LYNX1: variants seen among roughly 807,000 people sequenced by gnomAD.
LYNX1 encodes ly-6/neurotoxin-like protein 1.
LYNX1 carries 8 observed loss-of-function variants against 8.3 expected under a neutral mutation model. That is an observed-to-expected ratio of 0.97 (90% CI 0.57 to 1.74). The LOEUF (loss-of-function observed/expected upper bound fraction) is 1.74. Among genes scored for constraint, LYNX1 ranks in the 40% most tolerant of loss-of-function variants. The pLI is 0.00. For synonymous variants in LYNX1, 73 were observed against 67.9 expected (o/e 1.08, Z -0.37); for missense variants, 158 against 159.7 (o/e 0.99, Z 0.06).
rs957163066 is a variant in LYNX1 at position 142,775,069 on chromosome 8, C to T, written c.*98G>A. 8.0e-6 allele frequency: 12 copies of T among 1,493,812 alleles called. No individual in the cohort carries two copies. The highest frequency in any genetic ancestry group is 2.7e-5 in the South Asian group (2 of 75,342). 92.5% of individuals were successfully genotyped at this position (1,493,812 alleles called of 1,614,324 possible). A position where few individuals can be genotyped will look rare whatever the true frequency, so the allele number is the denominator to read the frequency against. On this transcript the variant is annotated 3_prime_UTR_variant, in exon 4 of 4. Transcript: ENST00000652477. ...TGACCCTGGGCATGGCTGAGGAGGT[C>T]GCAGGGAGTGTGGAGGGTGAGGCAG...
chr8:142,774,181 C>T lies in LYNX1; in HGVS notation c.*986G>A, dbSNP rs1815302416. On this transcript the variant is annotated 3_prime_UTR_variant, in exon 4 of 4. Transcript: ENST00000652477. ...CCCACCCTCCCCACTCCCGCCCCCG[C>T]ACGGCCACGAGAGGGTGGCATGCTC... 1.0e-6 allele frequency: 1 copy of T among 984,250 alleles called. No individual in the cohort carries two copies. Among genetic ancestry groups the T allele is most frequent in the Non-Finnish European group, 1.2e-6 (1 of 829,552 alleles). 61.0% of individuals were successfully genotyped at this position (984,250 alleles called of 1,614,324 possible). A position where few individuals can be genotyped will look rare whatever the true frequency, so the allele number is the denominator to read the frequency against.
In LYNX1 at chr8:142,771,247, C is replaced by T. The variant is rs1419658133; in HGVS notation, c.*3920G>A. ...TACGGCTCGGTGAGACGACGCTGGA[C>T]GCTGGTTAGGGTAAGGGTTAGGGCA... is the stretch of plus-strand genomic sequence containing the variant. On this transcript the variant is annotated 3_prime_UTR_variant, in exon 4 of 4. Coordinates refer to ENST00000652477, the MANE Select transcript of LYNX1 (RefSeq NM_177477.4). 12 of 985,410 alleles carry T rather than the reference C, an allele frequency of 1.2e-5. No homozygotes were observed. The highest frequency in any genetic ancestry group is 5.2e-5 in the African/African-American group (3 of 57,332). The allele number at this position is 985,410 out of a possible 1,614,324, so 61.0% of individuals were successfully genotyped here. A position where few individuals can be genotyped will look rare whatever the true frequency, so the allele number is the denominator to read the frequency against.
At position 142,772,562 on chromosome 8, in the gene LYNX1, C is replaced by A; in HGVS notation, c.*2605G>T. 1 of 985,580 alleles carries A rather than the reference C, an allele frequency of 1.0e-6. No individual in the cohort carries two copies. The highest frequency in any genetic ancestry group is 1.2e-6 in the Non-Finnish European group (1 of 830,020). 61.1% of individuals were successfully genotyped at this position (985,580 alleles called of 1,614,324 possible). A position where few individuals can be genotyped will look rare whatever the true frequency, so the allele number is the denominator to read the frequency against. Reference sequence around the variant, plus strand: ...TAGTGTGGGGCAGCTACTTCACCTCCCTGTGCCTCTGTGTCCTCCTCTGTC... The same window carrying A: ...TAGTGTGGGGCAGCTACTTCACCTCACTGTGCCTCTGTGTCCTCCTCTGTC... On this transcript the variant is annotated 3_prime_UTR_variant, in exon 4 of 4. Transcript: ENST00000652477.
rs1815238630 is a variant in LYNX1, at chr8:142,772,775, G to A, written c.*2392C>T. The stretch of plus-strand genomic sequence containing the variant: ...CACAGCCACGCACTCCCCATGAGTG[G>A]GCCTGCCCAGCATTAGCTGAGTGCC... On this transcript the variant is annotated 3_prime_UTR_variant, in exon 4 of 4. Transcript: ENST00000652477. 8.1e-6 allele frequency: 8 copies of A among 985,428 alleles called. No individual in the cohort carries two copies. The highest frequency in any genetic ancestry group is 3.5e-5 in the African/African-American group (2 of 57,234). 61.0% of individuals were successfully genotyped at this position (985,428 alleles called of 1,614,324 possible). A position where few individuals can be genotyped will look rare whatever the true frequency, so the allele number is the denominator to read the frequency against.
rs1815224239 is a variant in LYNX1 at position 142,772,496 on chromosome 8, T to C, written c.*2671A>G. 1 of 985,368 alleles carries C rather than the reference T, an allele frequency of 1.0e-6. No individual in the cohort carries two copies. The highest frequency in any genetic ancestry group is 4.7e-5 in the South Asian group (1 of 21,298). The allele number at this position is 985,368 out of a possible 1,614,324, so 61.0% of individuals were successfully genotyped here. Reference sequence around the variant, plus strand: ...AACCCCAGCTGGTGGGAGAAGCGGCTGCACTGTGGTGCAGGGGGTGGTGAG... The same window carrying C: ...AACCCCAGCTGGTGGGAGAAGCGGCCGCACTGTGGTGCAGGGGGTGGTGAG... On this transcript the variant is annotated 3_prime_UTR_variant, in exon 4 of 4. Transcript: ENST00000652477.
chr8:142,772,053 C>T lies in LYNX1; in HGVS notation c.*3114G>A, dbSNP rs1450505083. On this transcript the variant is annotated 3_prime_UTR_variant, in exon 4 of 4. Coordinates refer to ENST00000652477, the MANE Select transcript of LYNX1 (RefSeq NM_177477.4). Reference sequence around the variant, plus strand: ...CCCAAGCAGCCACTCCTGTCCAGTTCCCAGAATGTATAACATCCCAGGGTG... The same window carrying T: ...CCCAAGCAGCCACTCCTGTCCAGTTTCCAGAATGTATAACATCCCAGGGTG... 1.0e-6 allele frequency: 1 copy of T among 986,440 alleles called. No homozygotes were observed. The highest frequency in any genetic ancestry group is 1.2e-6 in the Non-Finnish European group (1 of 830,314). 61.1% of individuals were successfully genotyped at this position (986,440 alleles called of 1,614,324 possible). A position where few individuals can be genotyped will look rare whatever the true frequency, so the allele number is the denominator to read the frequency against.
Position 142,775,285 on chromosome 8 carries a change from T to C in LYNX1, c.233A>G (p.Lys78Arg). 1 of 1,614,030 alleles carries C rather than the reference T, an allele frequency of 6.2e-7. No homozygotes were observed. The highest frequency in any genetic ancestry group is 8.5e-7 in the Non-Finnish European group (1 of 1,179,986). The change falls in exon 4 of 4, where the codon AAG becomes AGG. Residue 78 changes from lysine (K) to arginine (R), a missense_variant. By Grantham distance (26) the Lys-to-Arg change is conservative (BLOSUM62 2). Coordinates refer to ENST00000652477, the MANE Select transcript of LYNX1 (RefSeq NM_177477.4). ...GCAGCAGGAGGTGGTGGACGCGTGCTTGGAGTAGCCATCATACACAGTCTC... is the reference window on the plus strand; with the variant it reads ...GCAGCAGGAGGTGGTGGACGCGTGCCTGGAGTAGCCATCATACACAGTCTC... ...CFETVYDGYSKHASTTSCCQY... is the reference protein window; with the variant it reads ...CFETVYDGYSRHASTTSCCQY...
At position 142,775,577 on chromosome 8, in the gene LYNX1, G is replaced by A; in HGVS notation, c.154+16C>T. 2 of 1,576,604 alleles carry A rather than the reference G, an allele frequency of 1.3e-6. No individual in the cohort carries two copies. The highest frequency in any genetic ancestry group is 1.7e-6 in the Non-Finnish European group (2 of 1,161,150). The stretch of plus-strand genomic sequence containing the variant: ...CGTGCTCCCCAGGCAGGGCCACGCA[G>A]GGCCCCCAGACTCACAGGTGCGCGT... On this transcript the variant is annotated intron_variant, in intron 3 of 3. Coordinates refer to ENST00000652477, the MANE Select transcript of LYNX1 (RefSeq NM_177477.4).
At position 142,774,609 on chromosome 8, in the gene LYNX1, G is replaced by A; in HGVS notation, c.*558C>T. 1 of 986,058 alleles carries A rather than the reference G, an allele frequency of 1.0e-6. No homozygotes were observed. 61.1% of individuals were successfully genotyped at this position (986,058 alleles called of 1,614,324 possible). On this transcript the variant is annotated 3_prime_UTR_variant, in exon 4 of 4. Coordinates refer to ENST00000652477, the MANE Select transcript of LYNX1 (RefSeq NM_177477.4). ...CAGGGGGTGGCTCCAACTCGGGCCTGGCAGACTTCCTAGCACAGGGGCCGG... is the reference window on the plus strand; with the variant it reads ...CAGGGGGTGGCTCCAACTCGGGCCTAGCAGACTTCCTAGCACAGGGGCCGG...
chr8:142,772,340 G>T lies in LYNX1; in HGVS notation c.*2827C>A. ...CCCCTCTCCTCTGCCACTCTGCCCT[G>T]CACCCAGAGGCAGCGCTGGAGGCCT... On this transcript the variant is annotated 3_prime_UTR_variant, in exon 4 of 4. Coordinates refer to ENST00000652477, the MANE Select transcript of LYNX1 (RefSeq NM_177477.4). 1.0e-6 allele frequency: 1 copy of T among 985,614 alleles called. No homozygotes were observed. 61.1% of individuals were successfully genotyped at this position (985,614 alleles called of 1,614,324 possible).
chr8:142,777,487 G>GT (rs1563841737), upstream of LYNX1, among the ~76,000 whole-genome samples: 44 of 121,406 alleles, frequency 3.6e-4, no homozygotes, highest in African/African-American at 1.4e-3. Context: ...CCCCGGACCC[G>GT]CCTCCTGGGC....
At chr8:142,777,444 G>T (rs1815473367), upstream of LYNX1, 1 of 89,424 alleles carries the variant, frequency 1.1e-5, no homozygotes, top group East Asian at 2.5e-4. Context: ...CGCCTCCTGG[G>T]CACCCGCCGA....
chr8:142,773,972 G>T lies in LYNX1; in HGVS notation c.*1195C>A. ...GGGCTACCTGCATCGGGGATGGATT[G>T]GTGCGTGTTGGGCTGACCCCTGCTT... On this transcript the variant is annotated 3_prime_UTR_variant, in exon 4 of 4. Coordinates refer to ENST00000652477, the MANE Select transcript of LYNX1 (RefSeq NM_177477.4). 1 of 985,358 alleles carries T rather than the reference G, an allele frequency of 1.0e-6. No homozygotes were observed. Among genetic ancestry groups the T allele is most frequent in the Non-Finnish European group, 1.2e-6 (1 of 829,906 alleles). 61.0% of individuals were successfully genotyped at this position (985,358 alleles called of 1,614,324 possible). A position where few individuals can be genotyped will look rare whatever the true frequency, so the allele number is the denominator to read the frequency against.
In LYNX1 at chr8:142,774,095, G is replaced by A; in HGVS notation, c.*1072C>T. 2.0e-6 allele frequency: 2 copies of A among 985,376 alleles called. No individual in the cohort carries two copies. The highest frequency in any genetic ancestry group is 2.4e-6 in the Non-Finnish European group (2 of 829,926). The allele number at this position is 985,376 out of a possible 1,614,324, so 61.0% of individuals were successfully genotyped here. On this transcript the variant is annotated 3_prime_UTR_variant, in exon 4 of 4. Coordinates refer to ENST00000652477, the MANE Select transcript of LYNX1 (RefSeq NM_177477.4). ...GCATCCCCAGGTGGAAGGTGATGGA[G>A]GGACCCACTCACTGTGCGCATCCCG...
Position 142,775,099 on chromosome 8 carries a change from A to T in LYNX1, c.*68T>A. The T allele has an allele frequency of 6.5e-7, 1 of 1,537,864 alleles. No individual in the cohort carries two copies. The highest frequency in any genetic ancestry group is 8.7e-7 in the Non-Finnish European group (1 of 1,144,714). On this transcript the variant is annotated 3_prime_UTR_variant, in exon 4 of 4. Coordinates refer to ENST00000652477, the MANE Select transcript of LYNX1 (RefSeq NM_177477.4). ...GGAGTGTGGAGGGTGAGGCAGGGTGAGCTGGGTGCGAGGGTGTAGCAGTGT... is the reference window on the plus strand; with the variant it reads ...GGAGTGTGGAGGGTGAGGCAGGGTGTGCTGGGTGCGAGGGTGTAGCAGTGT...
chr8:142,774,973 G>A lies in LYNX1; in HGVS notation c.*194C>T, dbSNP rs1050899296. 14 of 1,429,500 alleles carry A rather than the reference G, an allele frequency of 9.8e-6. No individual in the cohort carries two copies. Among genetic ancestry groups the A allele is most frequent in the South Asian group, 1.5e-5 (1 of 65,944 alleles). The allele number at this position is 1,429,500 out of a possible 1,614,324, so 88.6% of individuals were successfully genotyped here. On this transcript the variant is annotated 3_prime_UTR_variant, in exon 4 of 4. Transcript: ENST00000652477. ...CACTTTTGGGATCCCACACAGCATC[G>A]AAAGGTCAAGGCCTCGAAGTGAGGT...
chr8:142,771,751 G>C lies in LYNX1; in HGVS notation c.*3416C>G, dbSNP rs1425123311. ...GTTATGAACCAAATCGCCTTCATGA[G>C]AGATGACGAATCAGATGCTACATAG... On this transcript the variant is annotated 3_prime_UTR_variant, in exon 4 of 4. Coordinates refer to ENST00000652477, the MANE Select transcript of LYNX1 (RefSeq NM_177477.4). The C allele has an allele frequency of 1.0e-6, 1 of 985,718 alleles. No homozygotes were observed. Among genetic ancestry groups the C allele is most frequent in the South Asian group, 4.7e-5 (1 of 21,280 alleles). The allele number at this position is 985,718 out of a possible 1,614,324, so 61.1% of individuals were successfully genotyped here. A position where few individuals can be genotyped will look rare whatever the true frequency, so the allele number is the denominator to read the frequency against.
rs1208195018 is a variant in LYNX1, at chr8:142,771,596, C to A, written c.*3571G>T. The stretch of plus-strand genomic sequence containing the variant: ...ATCCTGAGGGGCTGGCAGATTCAGG[C>A]CCTCCCTGCGAGCTGAGGTTTGAAG... On this transcript the variant is annotated 3_prime_UTR_variant, in exon 4 of 4. Coordinates refer to ENST00000652477, the MANE Select transcript of LYNX1 (RefSeq NM_177477.4). 2.3e-5 allele frequency: 23 copies of A among 985,536 alleles called. No individual in the cohort carries two copies. The highest frequency in any genetic ancestry group is 2.5e-5 in the Non-Finnish European group (21 of 829,980). 61.0% of individuals were successfully genotyped at this position (985,536 alleles called of 1,614,324 possible).
rs587651491 is a variant in LYNX1, at chr8:142,774,477, G to A, written c.*690C>T. ...CCCTCCCCGTGAGGGGGTGGGAAACGTCAAGGGGTTTGACTGAGAGGACAC... is the reference window on the plus strand; with the variant it reads ...CCCTCCCCGTGAGGGGGTGGGAAACATCAAGGGGTTTGACTGAGAGGACAC... On this transcript the variant is annotated 3_prime_UTR_variant, in exon 4 of 4. Coordinates refer to ENST00000652477, the MANE Select transcript of LYNX1 (RefSeq NM_177477.4). 12 of 985,728 alleles carry A rather than the reference G, an allele frequency of 1.2e-5. No individual in the cohort carries two copies. In the East Asian group the frequency reaches 3.4e-4, roughly 28 times the overall value. The allele number at this position is 985,728 out of a possible 1,614,324, so 61.1% of individuals were successfully genotyped here. A position where few individuals can be genotyped will look rare whatever the true frequency, so the allele number is the denominator to read the frequency against.
Sources: gnomAD v4.1 joint callset for allele counts (sites outside exome capture counted in the v4.1 genomes callset) on GRCh38, gnomAD v4.1.1 for gene constraint, MANE v1.5 for transcripts, NCBI Gene and HGNC (gene_info 2026-07-23, HGNC 2026-07-21) for gene names.